Variants in ZMYND8 observed in about 807,000 individuals in gnomAD.
ZMYND8 encodes MYND-type zinc finger-containing chromatin reader ZMYND8.
A neutral mutation model predicts 140.8 loss-of-function variants in ZMYND8; 37 were observed. The observed-to-expected ratio is 0.26, with a 90% CI of 0.20 to 0.35. The LOEUF (loss-of-function observed/expected upper bound fraction) is 0.35. ZMYND8 is among the 10% of genes least tolerant of loss of function. The pLI is 1.00. For missense variants in ZMYND8, 1,068 were observed against 1,570.0 expected (o/e 0.68, Z 5.40); for synonymous variants, 592 against 597.1 (o/e 0.99, Z 0.12).
intron 13 of ZMYND8, among the ~76,000 whole-genome samples, chr20:47,248,832 C>T (rs2073937064): frequency 6.6e-6 from 1 of 152,176 alleles, no homozygotes; most frequent in South Asian, 2.1e-4. Flanking sequence ...TGAAGGCAGG[C>T]AGCACAGGGA....
intron 22 of ZMYND8, among the ~76,000 whole-genome samples, chr20:47,212,088 T>C (rs1368823822): frequency 6.6e-6 from 1 of 152,234 alleles, no homozygotes; most frequent in Non-Finnish European, 1.5e-5. Context: ...CCGCCATGCC[T>C]ATGCTTTTAT....
chr20:47,231,306 T>C (rs1041509264), intron 16 of ZMYND8, among the ~76,000 whole-genome samples: 13 of 152,180 alleles, frequency 8.5e-5, no homozygotes, highest in African/African-American at 3.1e-4. Context: ...GTCTCTCCAG[T>C]GCTTTCTAGA....
chr20:47,302,398 A>G (rs2078122463), intron 3 of ZMYND8, among the ~76,000 whole-genome samples: 1 of 152,206 alleles, frequency 6.6e-6, no homozygotes, highest in Non-Finnish European at 1.5e-5. Context: ...CTCAGGTTGC[A>G]GTGAGCCAAG....
chr20:47,268,783 GA>G (rs1302546221), intron 11 of ZMYND8, among the ~76,000 whole-genome samples: 1 of 147,584 alleles, frequency 6.8e-6, no homozygotes, highest in East Asian at 2.1e-4. Flanking sequence ...CAAAAAAAAA[GA>G]AAAAGAAACA....
At position 47,300,891 on chromosome 20, in the gene ZMYND8, T is replaced by C. The variant is rs1021803750; in HGVS notation, c.235-1944A>G. On this transcript the variant is annotated intron_variant, in intron 3 of 22. Coordinates refer to ENST00000471951, the MANE Select transcript of ZMYND8 (RefSeq NM_001281775.3). ...CACCATGCACAACTAATTTTGTGTG[T>C]GTGTGTGTGTGTGTGTGTGTGTGTG... 5.3e-5 allele frequency among the ~76,000 whole-genome samples: 3 copies of C among 56,732 alleles called. No individual in the cohort carries two copies. In the South Asian group the frequency reaches 2.1e-3, roughly 41 times the overall value. The allele number at this position is 56,732 out of a possible 152,430, so 37.2% of individuals were successfully genotyped here. A position where few individuals can be genotyped will look rare whatever the true frequency, so the allele number is the denominator to read the frequency against.
At chr20:47,328,251 C>CCAT (rs1257961211) in intron 2 of ZMYND8, among the ~76,000 whole-genome samples, 2 of 152,030 alleles carry the variant, frequency 1.3e-5, no homozygotes, top group African/African-American at 4.8e-5. Context: ...AAGTTCAACC[C>CCAT]CATTATAGGT....
intron 2 of ZMYND8, among the ~76,000 whole-genome samples, chr20:47,314,505 C>T (rs1443310052): frequency 2.0e-5 from 3 of 152,110 alleles, no homozygotes; most frequent in Admixed American, 6.5e-5. Flanking sequence ...TCTTTAAAAA[C>T]AAAACAAAAC....
chr20:47,312,268 T>C (rs1375435306), intron 2 of ZMYND8, among the ~76,000 whole-genome samples: 2 of 152,152 alleles, frequency 1.3e-5, no homozygotes, highest in Non-Finnish European at 2.9e-5. Context: ...TTGACTTTCA[T>C]GAAAAGGCAA....
At chr20:47,231,847 T>A (rs1348630255) in intron 16 of ZMYND8, among the ~76,000 whole-genome samples, 1 of 152,258 alleles carries the variant, frequency 6.6e-6, no homozygotes, top group Non-Finnish European at 1.5e-5. Flanking sequence ...ACATTGCTAA[T>A]GTAATGGTCA....
At chr20:47,216,678 A>AT (rs2036170321) in intron 21 of ZMYND8, among the ~76,000 whole-genome samples, 6 of 151,572 alleles carry the variant, frequency 4.0e-5, no homozygotes, top group Admixed American at 3.9e-4. Flanking sequence ...GTGGTGGTGC[A>AT]CACCTATAAT....
At chr20:47,284,295 T>C (rs2076787644) in intron 8 of ZMYND8, among the ~76,000 whole-genome samples, 1 of 152,120 alleles carries the variant, frequency 6.6e-6, no homozygotes, top group South Asian at 2.1e-4. Flanking sequence ...GACTTCCCAT[T>C]ATACCCAGTA....
intron 21 of ZMYND8, 85 bp downstream of exon 21, chr20:47,220,173 C>G (rs199789782): frequency 2.4e-6 from 3 of 1,266,126 alleles, no homozygotes; most frequent in Non-Finnish European, 3.3e-6. Context: ...TGGAATAAAC[C>G]CTTCAAATTC....
Position 47,249,451 on chromosome 20 carries a change from C to G in ZMYND8, c.1622-12G>C, listed in dbSNP as rs189192427. The G allele has an allele frequency of 6.2e-7, 1 of 1,613,598 alleles. No individual in the cohort carries two copies. Among genetic ancestry groups the G allele is most frequent in the East Asian group, 2.2e-5 (1 of 44,866 alleles). On this transcript the variant is annotated splice_polypyrimidine_tract_variant and intron_variant, in intron 12 of 22. Coordinates refer to ENST00000471951, the MANE Select transcript of ZMYND8 (RefSeq NM_001281775.3). The stretch of plus-strand genomic sequence containing the variant: ...AGCTTTGCTTCGATCTGAAAGAAAC[C>G]ATCACACCCTCGTAAGATCAGGCAC...
chr20:47,217,563 CTG>C (rs2036304719), intron 21 of ZMYND8, among the ~76,000 whole-genome samples: 2 of 152,140 alleles, frequency 1.3e-5, no homozygotes, highest in South Asian at 2.1e-4. Flanking sequence ...CTCCCTCTGA[CTG>C]TGCCCCCAAA....
chr20:47,348,104 T>G (rs1029379342), intron 1 of ZMYND8, 178 bp from the exon 2 acceptor site: 8 of 657,378 alleles, frequency 1.2e-5, no homozygotes, highest in Admixed American at 5.3e-5. Context: ...CTAAAGGAGT[T>G]TTTTAAAACA....
At chr20:47,321,713 C>A (rs1007934427) in intron 2 of ZMYND8, among the ~76,000 whole-genome samples, 18 of 152,186 alleles carry the variant, frequency 1.2e-4, no homozygotes, top group Non-Finnish European at 2.5e-4. Context: ...TCTGGGCTAT[C>A]AGGAAAACTG....
intron 14 of ZMYND8, 82 bp downstream of exon 14, chr20:47,245,926 G>A (rs1327062748): frequency 1.3e-6 from 2 of 1,507,866 alleles, no homozygotes; most frequent in Non-Finnish European, 1.8e-6. Context: ...TTCTTTAAGG[G>A]TCACATAACT....
At chr20:47,230,219 G>A (rs2038271183) in intron 16 of ZMYND8, among the ~76,000 whole-genome samples, 1 of 151,938 alleles carries the variant, frequency 6.6e-6, no homozygotes, top group Non-Finnish European at 1.5e-5. Context: ...CCCACATAAA[G>A]CTAGTTTCCA....
intron 12 of ZMYND8, among the ~76,000 whole-genome samples, chr20:47,250,543 G>A (rs939659254): frequency 2.6e-5 from 4 of 152,186 alleles, no homozygotes; most frequent in Admixed American, 1.3e-4. Context: ...CCTGGACTTC[G>A]TGCTTCATCT....
Sources: allele counts gnomAD v4.1 joint callset (sites outside exome capture counted in the v4.1 genomes callset), GRCh38; gene constraint gnomAD v4.1.1; transcripts MANE v1.5; gene names NCBI Gene and HGNC (gene_info 2026-07-23, HGNC 2026-07-21).